MACF1: variants seen among roughly 807,000 people sequenced by gnomAD.
The protein encoded by MACF1 is microtubule-actin cross-linking factor 1.
MACF1 carries 193 observed loss-of-function variants against 854.8 expected under a neutral mutation model. That is an observed-to-expected ratio of 0.23 (90% CI 0.20 to 0.25). The LOEUF is 0.25. MACF1 is among the 10% of genes least tolerant of loss of function. MACF1 has a pLI of 1.00. For missense variants in MACF1, 7,722 were observed against 8,929.1 expected (o/e 0.86, Z 5.45); for synonymous variants, 3,185 against 3,226.7 (o/e 0.99, Z 0.44).
intron 38 of MACF1, 146 bp from the exon 39 acceptor site, chr1:39,340,356 C>G (rs1193387797): frequency 1.6e-6 from 1 of 617,688 alleles, no homozygotes; most frequent in African/African-American, 1.8e-5. Flanking sequence ...ATTGTGAGAA[C>G]CAAGTAAACT....
At position 39,334,011 on chromosome 1, in the gene MACF1, A is replaced by G. The variant is rs747972644; in HGVS notation, c.7423A>G (p.Lys2475Glu). The change falls in exon 37 of 101, where the codon AAA becomes GAA. Residue 2475 changes from lysine (K) to glutamate (E), a missense_variant. Lys to Glu is a moderately conservative substitution (Grantham distance 56). Coordinates refer to ENST00000564288, the MANE Select transcript of MACF1 (RefSeq NM_001394062.1). ...ETTGLIDPDS[K>E]APLTVVQSID... The stretch of plus-strand genomic sequence containing the variant: ...AACAGGACTTATAGACCCTGATAGT[A>G]AAGCACCTTTAACAGTTGTGCAGTC... 1.2e-6 allele frequency: 2 copies of G among 1,614,234 alleles called. No homozygotes were observed. Among genetic ancestry groups the G allele is most frequent in the South Asian group, 2.2e-5 (2 of 91,088 alleles).
At chr1:39,304,433 C>T in intron 23 of MACF1, 4 of 1,344,178 alleles carry the variant, frequency 3.0e-6, no homozygotes, top group Non-Finnish European at 1.1e-6. Flanking sequence ...ACCCTCTCCA[C>T]CCTTTCCTTT....
intron 36 of MACF1, 21 bp from the exon 37 acceptor site, chr1:39,331,172 CTTTTTTTTTT>C (rs71060310): frequency 0.04 from 50,954 of 1,270,366 alleles, 40 homozygotes; most frequent in Non-Finnish European, 0.044. Context: ...TTCTCTTTTC[CTTTTTTTTTT>C]TTTTTTTTTT....
chr1:39,163,340 CAAAAAAAAA>C (rs11371076), intron 2 of MACF1, among the ~76,000 whole-genome samples: 1 of 80,356 alleles, frequency 1.2e-5, no homozygotes, highest in Non-Finnish European at 2.2e-5. Context: ...AAGACTGTCT[CAAAAAAAAA>C]AAAAAAAAAA....
At chr1:39,177,462 C>T (rs1037103283) in intron 2 of MACF1, among the ~76,000 whole-genome samples, 3 of 152,108 alleles carry the variant, frequency 2.0e-5, no homozygotes, top group Admixed American at 1.3e-4. Context: ...AGATTGATGC[C>T]TAATGTACAA....
rs541925202 is a variant in MACF1 at position 39,258,191 on chromosome 1, G to C, written c.528+163G>C. ...AAAATTAAGATTGATCTGCAGACAA[G>C]CTGTTGTATCGTAAACGCAAAACTT... On this transcript the variant is annotated intron_variant, in intron 6 of 100. Coordinates refer to ENST00000564288, the MANE Select transcript of MACF1 (RefSeq NM_001394062.1). Among the ~76,000 whole-genome samples the C allele has an allele frequency of 1.6e-4, 24 of 152,326 alleles. No individual in the cohort carries two copies. The East Asian group carries it at 3.5e-3, about 22-fold the overall frequency.
chr1:39,289,696 T>TTTTTTTG (rs1645732614), intron 15 of MACF1, among the ~76,000 whole-genome samples: 1 of 79,522 alleles, frequency 1.3e-5, no homozygotes, highest in Non-Finnish European at 2.4e-5. Flanking sequence ...GGTTGTCCTT[T>TTTTTTTG]TTTTTTTTTT....
chr1:39,193,462 AT>A (rs1271767701), intron 2 of MACF1, among the ~76,000 whole-genome samples: 1 of 152,156 alleles, frequency 6.6e-6, no homozygotes, highest in African/African-American at 2.4e-5. Context: ...ACCTTCTTGC[AT>A]TTGCCACTGA....
chr1:39,340,135 GA>G (rs1303426530), intron 38 of MACF1, among the ~76,000 whole-genome samples: 1 of 152,196 alleles, frequency 6.6e-6, no homozygotes, highest in Non-Finnish European at 1.5e-5. Context: ...GCTCCTTGGG[GA>G]AAGGCATAAT....
intron 95 of MACF1, among the ~76,000 whole-genome samples, chr1:39,465,321 A>C (rs1644643425): frequency 6.6e-6 from 1 of 152,202 alleles, no homozygotes; most frequent in South Asian, 2.1e-4. Context: ...TTTATAAAGG[A>C]GATGAAATGG....
At chr1:39,450,000 C>T (rs1644306511) in intron 84 of MACF1, among the ~76,000 whole-genome samples, 1 of 152,160 alleles carries the variant, frequency 6.6e-6, no homozygotes, top group South Asian at 2.1e-4. Context: ...GCTGGGACTA[C>T]AGGTGCACAC....
intron 55 of MACF1, among the ~76,000 whole-genome samples, chr1:39,381,356 CTTTT>C (rs869060742): frequency 8.2e-5 from 3 of 36,796 alleles, no homozygotes; most frequent in Non-Finnish European, 1.1e-4. Flanking sequence ...CATGCCTGGC[CTTTT>C]TTTTTTTTTT....
At chr1:39,173,650 C>T (rs1194917515) in intron 2 of MACF1, among the ~76,000 whole-genome samples, 1 of 152,170 alleles carries the variant, frequency 6.6e-6, no homozygotes, top group Non-Finnish European at 1.5e-5. Context: ...AGTAGAGACT[C>T]TGTTATTTCT....
intron 66 of MACF1, among the ~76,000 whole-genome samples, chr1:39,432,293 G>C (rs1278293087): frequency 6.6e-6 from 1 of 152,142 alleles, no homozygotes; most frequent in Non-Finnish European, 1.5e-5. Flanking sequence ...ATTGATATCT[G>C]TTATTTCTAG....
At chr1:39,299,786 A>C (rs777443117) in intron 21 of MACF1, among the ~76,000 whole-genome samples, 4 of 152,254 alleles carry the variant, frequency 2.6e-5, no homozygotes, top group Admixed American at 6.5e-5. Flanking sequence ...TCTCCTAAGC[A>C]GAAAGGGAAG....
chr1:39,332,348 T>G lies in MACF1; in HGVS notation c.5760T>G (p.Ile1920Met). 1.9e-6 allele frequency: 3 copies of G among 1,613,994 alleles called. No homozygotes were observed. Among genetic ancestry groups the G allele is most frequent in the Non-Finnish European group, 2.5e-6 (3 of 1,180,008 alleles). Reference sequence around the variant, plus strand: ...ATCTTGCCAATAACTTAAAATCGATTTGTATACCTGATGTGATGCCCCACA... The same window carrying G: ...ATCTTGCCAATAACTTAAAATCGATGTGTATACCTGATGTGATGCCCCACA... ...DRDLANNLKS[I>M]CIPDVMPHMQ... Residue 1920 changes from isoleucine to methionine, a missense_variant, in exon 37 of 101, where the codon ATT becomes ATG. Coordinates refer to ENST00000564288, the MANE Select transcript of MACF1 (RefSeq NM_001394062.1).
intron 34 of MACF1, 68 bp downstream of exon 34, chr1:39,324,413 T>G: frequency 6.4e-7 from 1 of 1,554,258 alleles, no homozygotes; most frequent in African/African-American, 1.4e-5. Context: ...GGTGGAATAG[T>G]AGAAGTCACA....
intron 58 of MACF1, among the ~76,000 whole-genome samples, chr1:39,394,925 T>C (rs1015673649): frequency 1.3e-5 from 2 of 152,220 alleles, no homozygotes; most frequent in African/African-American, 4.8e-5. Flanking sequence ...AACCCCCACC[T>C]TGTGCTGACC....
Position 39,084,788 on chromosome 1 carries a change from A to G in MACF1, c.220+350A>G, listed in dbSNP as rs534203696. ...TAATCTTATATTAAAAAGATTTTCC[A>G]TATTGCACTTTAGACTTTATGGTTA... On this transcript the variant is annotated intron_variant, in intron 2 of 93. Coordinates refer to the MACF1 transcript ENST00000361689. This position sits in a 1 kb window ranked among gnomAD's most constrained non-coding sequence, Gnocchi z 5.2. Among the ~76,000 whole-genome samples, 3 of 152,230 alleles carry G rather than the reference A, an allele frequency of 2.0e-5. No homozygotes were observed. The highest frequency in any genetic ancestry group is 4.1e-4 in the South Asian group (2 of 4,830).
Sources: allele counts gnomAD v4.1 joint callset (sites outside exome capture counted in the v4.1 genomes callset), GRCh38; gene constraint gnomAD v4.1.1; non-coding constraint Gnocchi (gnomAD v3.1); transcripts MANE v1.5; gene names NCBI Gene and HGNC (gene_info 2026-07-23, HGNC 2026-07-21).